GPHN: variants seen among roughly 807,000 people sequenced by gnomAD.
The protein encoded by GPHN is gephyrin.
In GPHN, 17 loss-of-function variants were observed where a neutral mutation model predicts 95.5. The observed-to-expected ratio is 0.18, with a 90% CI of 0.12 to 0.27. The LOEUF (loss-of-function observed/expected upper bound fraction) is 0.27, where lower values mean the gene tolerates loss of function less well. Among genes scored for constraint, GPHN ranks in the 10% least tolerant of loss-of-function variants. GPHN has a pLI of 1.00. For synonymous variants in GPHN, 320 were observed against 322.5 expected (o/e 0.99, Z 0.08); for missense variants, 660 against 978.1 (o/e 0.67, Z 4.34).
chr14:67,197,541 C>T, the GPHN span, among the ~76,000 whole-genome samples: 2 of 149,278 alleles, frequency 1.3e-5, no homozygotes, highest in African/African-American at 5.1e-5. Flanking sequence ...TATCAGTGGT[C>T]CCCTTGGCAG....
At chr14:67,672,447 CTTTT>C in the GPHN span, among the ~76,000 whole-genome samples, 3 of 116,846 alleles carry the variant, frequency 2.6e-5, no homozygotes, top group Middle Eastern at 4.3e-3. Context: ...CTTTTCTTTT[CTTTT>C]TTTTTTTTTT....
chr14:67,555,631 GC>G, the GPHN span, among the ~76,000 whole-genome samples: 1 of 152,198 alleles, frequency 6.6e-6, no homozygotes, highest in Admixed American at 6.5e-5. Context: ...CTCTTCACCT[GC>G]CCCATGAACT....
At chr14:66,591,996 A>G (rs553710584) in intron 1 of GPHN, among the ~76,000 whole-genome samples, 1 of 152,344 alleles carries the variant, frequency 6.6e-6, no homozygotes, top group African/African-American at 2.4e-5. Context: ...CCTTAGACAT[A>G]TCACCACACA....
chr14:67,419,484 G>C, the GPHN span, among the ~76,000 whole-genome samples: 1 of 152,194 alleles, frequency 6.6e-6, no homozygotes, highest in Non-Finnish European at 1.5e-5. Context: ...GGGGCCGGAG[G>C]TGCAGTCTGC....
chr14:67,003,566 T>C (rs1314155299), intron 9 of GPHN, among the ~76,000 whole-genome samples: 2 of 151,662 alleles, frequency 1.3e-5, no homozygotes, highest in East Asian at 1.9e-4. Flanking sequence ...GTACTCATTG[T>C]AGTGGAAGGT....
the GPHN span, among the ~76,000 whole-genome samples, chr14:67,718,554 C>A: frequency 6.6e-6 from 1 of 152,158 alleles, no homozygotes; most frequent in Non-Finnish European, 1.5e-5. Flanking sequence ...GGGAACCTGA[C>A]CTGTGATTGA....
At chr14:67,477,466 A>C in the GPHN span, among the ~76,000 whole-genome samples, 1 of 152,154 alleles carries the variant, frequency 6.6e-6, no homozygotes, top group Non-Finnish European at 1.5e-5. Context: ...GAATTTCTAC[A>C]GCACTTACTC....
chr14:66,929,568 C>T (rs2066667634), intron 8 of GPHN, among the ~76,000 whole-genome samples: 1 of 151,986 alleles, frequency 6.6e-6, no homozygotes, highest in East Asian at 1.9e-4. Flanking sequence ...TATAAAATGA[C>T]CTTCCTTGTC....
chr14:67,198,447 A>C, the GPHN span: 1 of 885,794 alleles, frequency 1.1e-6, no homozygotes, highest in East Asian at 2.5e-5. Flanking sequence ...ACAAAAGAGA[A>C]CAGTTTGGGA....
chr14:66,798,434 C>T (rs1334303955), intron 3 of GPHN, among the ~76,000 whole-genome samples: 7 of 151,770 alleles, frequency 4.6e-5, no homozygotes, highest in Admixed American at 3.3e-4. Flanking sequence ...GGGAAGCCAT[C>T]GGGTCTTGGA....
chr14:66,715,442 T>G (rs1019948152), intron 2 of GPHN, among the ~76,000 whole-genome samples: 2 of 152,128 alleles, frequency 1.3e-5, no homozygotes, highest in Admixed American at 6.5e-5. Context: ...TTTGTTTCAT[T>G]TATCTTTTGT....
chr14:66,545,759 G>C (rs1371219242), intron 1 of GPHN, among the ~76,000 whole-genome samples: 1 of 142,510 alleles, frequency 7.0e-6, no homozygotes, highest in Middle Eastern at 3.5e-3. Context: ...CTCCCTCCCG[G>C]ACGGGGCAGC....
At chr14:66,525,131 A>C (rs1410943537) in intron 1 of GPHN, among the ~76,000 whole-genome samples, 1 of 152,114 alleles carries the variant, frequency 6.6e-6, no homozygotes, top group African/African-American at 2.4e-5. Flanking sequence ...AAGCGTGCCT[A>C]TTTCTCTACA....
the GPHN span, among the ~76,000 whole-genome samples, chr14:67,581,346 A>T: frequency 6.6e-6 from 1 of 152,052 alleles, no homozygotes; most frequent in South Asian, 2.1e-4. Context: ...GCAACATGGC[A>T]AAACCCCACC....
the GPHN span, among the ~76,000 whole-genome samples, chr14:67,210,993 C>T: frequency 6.6e-6 from 1 of 152,030 alleles, no homozygotes; most frequent in African/African-American, 2.4e-5. Flanking sequence ...GAGTGACACC[C>T]TGCCTCAAAA....
the GPHN span, chr14:67,254,441 A>G: frequency 6.6e-6 from 1 of 152,190 alleles, no homozygotes; most frequent in African/African-American, 2.4e-5. Flanking sequence ...CTGTCTTGTC[A>G]AAATCAGAGC....
At chr14:66,986,475 C>T (rs2071036419) in intron 9 of GPHN, among the ~76,000 whole-genome samples, 1 of 151,982 alleles carries the variant, frequency 6.6e-6, no homozygotes, top group African/African-American at 2.4e-5. Flanking sequence ...TATTTATTTG[C>T]TCAATATGCC....
the GPHN span, chr14:67,467,275 C>A: frequency 5.3e-5 from 8 of 152,206 alleles, no homozygotes; most frequent in Admixed American, 5.2e-4. Context: ...CAGGTCAGTT[C>A]TCAGTCCTAT....
chr14:66,989,864 T>C (rs1348654749), intron 9 of GPHN, among the ~76,000 whole-genome samples: 1 of 152,136 alleles, frequency 6.6e-6, no homozygotes, highest in Non-Finnish European at 1.5e-5. Flanking sequence ...ATAGACTATA[T>C]TAGACAGGTT....
Sources: gnomAD v4.1 joint callset for allele counts (sites outside exome capture counted in the v4.1 genomes callset) on GRCh38, gnomAD v4.1.1 for gene constraint, MANE v1.5 for transcripts, NCBI Gene and HGNC (gene_info 2026-07-23, HGNC 2026-07-21) for gene names.